Variants in MDFIC observed in about 807,000 individuals in gnomAD.
The protein encoded by MDFIC is myoD family inhibitor domain-containing protein.
In MDFIC, 17 loss-of-function variants were observed where a neutral mutation model predicts 23.2. That is an observed-to-expected ratio of 0.73 (90% CI 0.50 to 1.10). The LOEUF (loss-of-function observed/expected upper bound fraction) is 1.10, where lower values mean the gene tolerates loss of function less well. Among genes scored for constraint, MDFIC ranks in the 50% least tolerant of loss-of-function variants. The probability of loss-of-function intolerance (pLI) is 0.00; values close to 1 mark genes in which losing one functional copy is unlikely to be tolerated. For synonymous variants in MDFIC, 120 were observed against 115.2 expected (o/e 1.04, Z -0.27); for missense variants, 356 against 316.6 (o/e 1.12, Z -0.95).
chr7:114,937,109 C>T (rs1291365741), intron 2 of MDFIC, among the ~76,000 whole-genome samples: 1 of 151,888 alleles, frequency 6.6e-6, no homozygotes, highest in African/African-American at 2.4e-5. Flanking sequence ...TAGATAATGC[C>T]AACTAGGTAA....
chr7:114,982,133 G>T (rs527857569), intron 4 of MDFIC, among the ~76,000 whole-genome samples: 165 of 152,204 alleles, frequency 1.1e-3, no homozygotes, highest in Admixed American at 2.6e-3. Flanking sequence ...TAGATCTCTT[G>T]CTCTATAGAA....
chr7:114,953,243 T>C (rs1033138746), intron 3 of MDFIC, among the ~76,000 whole-genome samples: 4 of 152,182 alleles, frequency 2.6e-5, no homozygotes, highest in Non-Finnish European at 5.9e-5. Flanking sequence ...ATGTAACTTG[T>C]TTTTTGATTT....
intron 4 of MDFIC, among the ~76,000 whole-genome samples, chr7:115,001,929 G>C (rs577638984): frequency 1.3e-5 from 2 of 152,288 alleles, no homozygotes; most frequent in East Asian, 3.9e-4. Context: ...CTGAGGTCGG[G>C]AGTTTGAGCC....
At position 114,922,472 on chromosome 7, in the gene MDFIC, G is replaced by C. The variant is rs748842966; in HGVS notation, c.-272G>C. 7.7e-5 allele frequency: 96 copies of C among 1,250,996 alleles called. No homozygotes were observed. Among genetic ancestry groups the C allele is most frequent in the Non-Finnish European group, 7.4e-5 (73 of 991,812 alleles). The allele number at this position is 1,250,996 out of a possible 1,614,324, so 77.5% of individuals were successfully genotyped here. The stretch of plus-strand genomic sequence containing the variant: ...GCAGTTGCCGCCACTGCGGCGTCTG[G>C]GCTGAGCCGGAGGGAGGCGGGAGGA... On this transcript the variant is annotated 5_prime_UTR_variant, in exon 1 of 5. Coordinates refer to ENST00000393486, the MANE Select transcript of MDFIC (RefSeq NM_001166345.3).
chr7:114,989,080 A>G (rs565119647), intron 4 of MDFIC, among the ~76,000 whole-genome samples: 5 of 152,318 alleles, frequency 3.3e-5, no homozygotes, highest in African/African-American at 9.6e-5. Flanking sequence ...CTGATAAAAT[A>G]GCCTAGAGGA....
At chr7:115,013,118 C>A (rs1791713338) in intron 4 of MDFIC, among the ~76,000 whole-genome samples, 1 of 152,072 alleles carries the variant, frequency 6.6e-6, no homozygotes, top group Admixed American at 6.5e-5. Context: ...GGATGTTGAG[C>A]CGAAGATGCT....
chr7:114,992,887 T>A (rs1253691895), intron 4 of MDFIC, among the ~76,000 whole-genome samples: 1 of 152,208 alleles, frequency 6.6e-6, no homozygotes, highest in Non-Finnish European at 1.5e-5. Flanking sequence ...GAGGATTCCC[T>A]CTTTTTCTAT....
intron 3 of MDFIC, among the ~76,000 whole-genome samples, chr7:114,966,651 A>G (rs958445467): frequency 2.6e-5 from 4 of 152,196 alleles, no homozygotes; most frequent in Admixed American, 1.3e-4. Context: ...ACACTATAAT[A>G]AAAGAACAAA....
At chr7:114,937,013 C>T (rs1249426963) in intron 2 of MDFIC, among the ~76,000 whole-genome samples, 4 of 151,842 alleles carry the variant, frequency 2.6e-5, no homozygotes, top group African/African-American at 9.7e-5. Flanking sequence ...TATTAATGCT[C>T]TTAGATTTTT....
intron 4 of MDFIC, among the ~76,000 whole-genome samples, chr7:114,990,018 G>T (rs78207207): frequency 6.6e-6 from 1 of 152,062 alleles, no homozygotes; most frequent in Non-Finnish European, 1.5e-5. Flanking sequence ...AACAAACATA[G>T]CTAAGCAAAC....
chr7:115,012,450 A>C (rs1245156235), intron 4 of MDFIC, among the ~76,000 whole-genome samples: 1 of 152,190 alleles, frequency 6.6e-6, no homozygotes, highest in Non-Finnish European at 1.5e-5. Context: ...ATGTGGAGTA[A>C]TGAGCACTCT....
chr7:114,991,111 A>G (rs1272168660), intron 4 of MDFIC, among the ~76,000 whole-genome samples: 1 of 151,914 alleles, frequency 6.6e-6, no homozygotes, highest in South Asian at 2.1e-4. Context: ...GATGATGAGC[A>G]TTTTTTCATG....
chr7:114,970,918 G>A (rs149264021), intron 3 of MDFIC, among the ~76,000 whole-genome samples: 1 of 152,132 alleles, frequency 6.6e-6, no homozygotes, highest in African/African-American at 2.4e-5. Context: ...CTACTCACCA[G>A]CGCTTGAACC....
At chr7:115,002,647 T>C (rs1791487126) in intron 4 of MDFIC, among the ~76,000 whole-genome samples, 1 of 152,190 alleles carries the variant, frequency 6.6e-6, no homozygotes, top group Non-Finnish European at 1.5e-5. Flanking sequence ...GCCATCCAGC[T>C]TTTCCTCAGG....
At chr7:114,935,853 C>T (rs1792414604) in intron 2 of MDFIC, among the ~76,000 whole-genome samples, 1 of 152,048 alleles carries the variant, frequency 6.6e-6, no homozygotes, top group African/African-American at 2.4e-5. Context: ...TAGAAACATA[C>T]TTATTGTCTG....
intron 2 of MDFIC, among the ~76,000 whole-genome samples, chr7:114,928,764 G>A (rs1792246333): frequency 6.6e-6 from 1 of 152,142 alleles, no homozygotes; most frequent in Non-Finnish European, 1.5e-5. Context: ...AAACTGTTCT[G>A]GTGACAGTTC....
intron 2 of MDFIC, among the ~76,000 whole-genome samples, chr7:114,932,004 G>A (rs1260721501): frequency 6.6e-6 from 1 of 152,144 alleles, no homozygotes; most frequent in Admixed American, 6.5e-5. Context: ...TGTAAACGCA[G>A]ACGCTGCTTT....
intron 3 of MDFIC, among the ~76,000 whole-genome samples, chr7:114,956,316 C>A (rs1384908905): frequency 6.6e-6 from 1 of 151,616 alleles, no homozygotes; most frequent in Non-Finnish European, 1.5e-5. Context: ...CAAAACAGTT[C>A]TTGGGCTTAA....
At chr7:114,992,499 CT>C (rs564021557) in intron 4 of MDFIC, among the ~76,000 whole-genome samples, 75 of 152,210 alleles carry the variant, frequency 4.9e-4, no homozygotes, top group Non-Finnish European at 9.3e-4. Context: ...TCATAAATAG[CT>C]CTTATTATTT....
Sources: gnomAD v4.1 joint callset for allele counts (sites outside exome capture counted in the v4.1 genomes callset) on GRCh38, gnomAD v4.1.1 for gene constraint, MANE v1.5 for transcripts, NCBI Gene and HGNC (gene_info 2026-07-23, HGNC 2026-07-21) for gene names.